KRT13: variants seen among roughly 807,000 people sequenced by gnomAD.
KRT13 encodes the protein keratin, type I cytoskeletal 13.
In KRT13, 27 loss-of-function variants were observed where a neutral mutation model predicts 40.6. The observed-to-expected ratio is 0.67, with a 90% CI of 0.49 to 0.92. The LOEUF is 0.92. Ranked by LOEUF, KRT13 falls within the 40% of genes least tolerant of loss-of-function variation. The probability of loss-of-function intolerance (pLI) is 0.00; values close to 1 mark genes in which losing one functional copy is unlikely to be tolerated. For synonymous variants in KRT13, 266 were observed against 240.3 expected, an observed-to-expected ratio of 1.11 and a Z score of -0.99; for missense variants, 605 against 611.5, an observed-to-expected ratio of 0.99 and a Z score of 0.11.
rs1394149375 is a variant in KRT13, at chr17:41,502,746, T to C, written c.964A>G (p.Thr322Ala). Reference sequence around the variant, plus strand: ...CCTTGGAGCGTGCGCCTGAGCTCCGTGATCTCTGTCTTGCTGGTCTGAATC... The same window carrying C: ...CCTTGGAGCGTGCGCCTGAGCTCCGCGATCTCTGTCTTGCTGGTCTGAATC... ...AMIQTSKTEI[T>A]ELRRTLQGLE... is the part of the protein sequence containing the mutation. Residue 322 changes from threonine (T) to alanine (A), a missense_variant, in exon 5 of 8, where the codon ACG (threonine) becomes GCG (alanine). By Grantham distance (58) the Thr-to-Ala change is moderately conservative. Coordinates refer to ENST00000246635, the MANE Select transcript of KRT13 (RefSeq NM_153490.3). The C allele has an allele frequency of 1.2e-6, 2 of 1,614,212 alleles. No homozygotes were observed. The highest frequency in any genetic ancestry group is 3.3e-5 in the Admixed American group (2 of 60,030).
At chr17:41,501,958 GAGATATTA>G (rs1904866945) in intron 6 of KRT13, 1 of 1,445,602 alleles carries the variant, frequency 6.9e-7, no homozygotes, top group East Asian at 2.5e-5. Context: ...GTCTCAAGGG[GAGATATTA>G]TTAGCCACAA....
chr17:41,503,773 T>C (rs769557851), intron 1 of KRT13, 48 bp from the exon 2 acceptor site: 2 of 1,465,764 alleles, frequency 1.4e-6, no homozygotes, highest in East Asian at 2.3e-5. Context: ...GTGTCCAGTC[T>C]GTTGGCTTCC....
chr17:41,501,576 C>T, intron 7 of KRT13, 143 bp downstream of exon 7: 14 of 1,408,360 alleles, frequency 9.9e-6, no homozygotes, highest in Admixed American at 4.0e-5. Context: ...GAGCGAATGA[C>T]CACTTCCACC....
chr17:41,503,826 A>G lies in KRT13; in HGVS notation c.496-101T>C, dbSNP rs1232592281. On this transcript the variant is annotated intron_variant, in intron 1 of 7. Transcript: ENST00000246635. ...AAGAATTGTCTTGGGCAACACATCA[A>G]ATACGCTAACACTAACGATAGCTGA... is the stretch of plus-strand genomic sequence containing the variant. The G allele has an allele frequency of 2.8e-5, 24 of 868,968 alleles. No homozygotes were observed. The Admixed American group carries it at 4.1e-4, about 15-fold the overall frequency. 53.8% of individuals were successfully genotyped at this position (868,968 alleles called of 1,614,324 possible).
At chr17:41,501,911 T>C in intron 6 of KRT13, 167 bp from the exon 7 acceptor site, 2 of 1,500,030 alleles carry the variant, frequency 1.3e-6, no homozygotes, top group South Asian at 1.3e-5. Context: ...AGGTGCCCAC[T>C]GGGACTGTCT....
Position 41,502,401 on chromosome 17 carries a change from C to T in KRT13, c.1217G>A (p.Arg406His), listed in dbSNP as rs145983286. Residue 406 changes from arginine (R) to histidine (H), a missense_variant, in exon 6 of 8, where the codon CGC becomes CAC. Coordinates refer to ENST00000246635, the MANE Select transcript of KRT13 (RefSeq NM_153490.3). ...GGCGTCCTGGCCCTCGAGCAGGCTG[C>T]GGTAGGTGGCGATCTCCTGCTCCAG... The part of the protein sequence containing the change: ...TRLEQEIATY[R>H]SLLEGQDAKM... 22 of 1,614,148 alleles carry T rather than the reference C, an allele frequency of 1.4e-5. No homozygotes were observed. Among genetic ancestry groups the T allele is most frequent in the East Asian group, 1.3e-4 (6 of 44,884 alleles).
At position 41,502,963 on chromosome 17, in the gene KRT13, C is replaced by G. The variant is rs780698429; in HGVS notation, c.871G>C (p.Asp291His). The G allele has an allele frequency of 1.2e-6, 2 of 1,614,182 alleles. No individual in the cohort carries two copies. The highest frequency in any genetic ancestry group is 1.1e-5 in the South Asian group (1 of 91,082). Reference protein sequence around the residue: ...YEAMAERNRRDAEEWFHTKSA... With the variant: ...YEAMAERNRRHAEEWFHTKSA... ...TTGGTGTGGAACCATTCCTCAGCATCCCGGCGGTTCCTCTCTGCCATGGCC... is the reference window on the plus strand; with the variant it reads ...TTGGTGTGGAACCATTCCTCAGCATGCCGGCGGTTCCTCTCTGCCATGGCC... Residue 291 changes from aspartate to histidine, a missense_variant, in exon 4 of 8, where the codon GAT becomes CAT. Coordinates refer to ENST00000246635, the MANE Select transcript of KRT13 (RefSeq NM_153490.3).
Position 41,502,692 on chromosome 17 carries a change from T to A in KRT13, c.1018A>T (p.Ser340Cys). 2 of 1,614,048 alleles carry A rather than the reference T, an allele frequency of 1.2e-6. No homozygotes were observed. The highest frequency in any genetic ancestry group is 1.7e-6 in the Non-Finnish European group (2 of 1,180,042). Residue 340 changes from serine to cysteine, a missense_variant, in exon 5 of 8, where the codon AGC (serine) becomes TGC (cysteine). Transcript: ENST00000246635. ...GCAGGAGGCTGCAGGCATACCATGC[T>A]CAGCTGGGACTGCAGCTCAATCTCC... is the stretch of plus-strand genomic sequence containing the variant. ...GLEIELQSQL[S>C]MKAGLENTVA...
In KRT13 at chr17:41,505,221, G is replaced by T. The variant is rs767943356; in HGVS notation, c.330C>A (p.Asn110Lys). 4 of 1,614,208 alleles carry T rather than the reference G, an allele frequency of 2.5e-6. No individual in the cohort carries two copies. Among genetic ancestry groups the T allele is most frequent in the Non-Finnish European group, 3.4e-6 (4 of 1,180,046 alleles). Reference sequence around the variant, plus strand: ...GGTAGGAAGCCAGGCGGTCGTTGAGGTTCTGCATGGTGATCTTCTCATTGC... The same window carrying T: ...GGTAGGAAGCCAGGCGGTCGTTGAGTTTCTGCATGGTGATCTTCTCATTGC... Reference protein sequence around the residue: ...LTGNEKITMQNLNDRLASYLE... With the variant: ...LTGNEKITMQKLNDRLASYLE... Residue 110 changes from asparagine to lysine, a missense_variant, in exon 1 of 8, where the codon AAC (asparagine) becomes AAA (lysine). Transcript: ENST00000246635.
intron 1 of KRT13, among the ~76,000 whole-genome samples, 184 bp from the exon 2 acceptor site, chr17:41,503,909 A>G (rs1267943115): frequency 6.6e-6 from 1 of 152,204 alleles, no homozygotes; most frequent in Admixed American, 6.5e-5. Flanking sequence ...TGTTTTAAGA[A>G]AGCTTACAAA....
At position 41,502,939 on chromosome 17, in the gene KRT13, T is replaced by G. The variant is rs1414177165; in HGVS notation, c.895A>C (p.Lys299Gln). 2 of 1,614,064 alleles carry G rather than the reference T, an allele frequency of 1.2e-6. No individual in the cohort carries two copies. The highest frequency in any genetic ancestry group is 1.7e-5 in the Admixed American group (1 of 60,002). Residue 299 changes from lysine (K) to glutamine (Q), a missense_variant and splice_region_variant, in exon 4 of 8, where the codon AAG becomes CAG. Lys to Gln is a moderately conservative substitution (Grantham distance 53, BLOSUM62 1). Coordinates refer to ENST00000246635, the MANE Select transcript of KRT13 (RefSeq NM_153490.3). ...RRDAEEWFHT[K>Q]SAELNKEVST... The stretch of plus-strand genomic sequence containing the variant: ...TGTGGGGTGGGAGGGCCGGGTACCT[T>G]GGTGTGGAACCATTCCTCAGCATCC...
rs767411003 is a variant in KRT13 at position 41,503,432 on chromosome 17, T to C, written c.590A>G (p.Glu197Gly). The stretch of plus-strand genomic sequence containing the variant: ...CTCCACGCTCTGGCGCAGGGCCAGC[T>C]CATTCTCATACCTAAAATAGTAAAA... ...ADDFRLKYENELALRQSVEAD... is the reference protein window; with the variant it reads ...ADDFRLKYENGLALRQSVEAD... Residue 197 changes from glutamate to glycine, a missense_variant, in exon 3 of 8, where the codon GAG becomes GGG. Coordinates refer to ENST00000246635, the MANE Select transcript of KRT13 (RefSeq NM_153490.3). The C allele has an allele frequency of 2.5e-6, 4 of 1,614,214 alleles. No individual in the cohort carries two copies. The highest frequency in any genetic ancestry group is 3.4e-6 in the Non-Finnish European group (4 of 1,180,036).
chr17:41,505,292 C>T lies in KRT13; in HGVS notation c.259G>A (p.Gly87Ser), dbSNP rs746998705. ...CAAGCACCAAAGTCAACAAAGCCACCAGCAAAACCCCCACCAAAGCCACCT... is the reference window on the plus strand; with the variant it reads ...CAAGCACCAAAGTCAACAAAGCCACTAGCAAAACCCCCACCAAAGCCACCT... ...LGGGFGGGFA[G>S]GFVDFGACDG... The change falls in exon 1 of 8, where the codon GGT becomes AGT. Residue 87 changes from glycine (G) to serine (S), a missense_variant. Coordinates refer to ENST00000246635, the MANE Select transcript of KRT13 (RefSeq NM_153490.3). 7 of 1,614,036 alleles carry T rather than the reference C, an allele frequency of 4.3e-6. No homozygotes were observed. In the African/African-American group the frequency reaches 8.0e-5, roughly 18 times the overall value.
At position 41,503,026 on chromosome 17, in the gene KRT13, G is replaced by A. The variant is rs1448123515; in HGVS notation, c.808C>T (p.Leu270=). The A allele has an allele frequency of 6.2e-7, 1 of 1,614,236 alleles. No homozygotes were observed. Among genetic ancestry groups the A allele is most frequent in the Non-Finnish European group, 8.5e-7 (1 of 1,180,048 alleles). The change falls in exon 4 of 8, where the codon CTG becomes TTG. Residue 270 remains leucine, a synonymous_variant. Coordinates refer to ENST00000246635, the MANE Select transcript of KRT13 (RefSeq NM_153490.3). ...CTCATCTCTGCCAGCACGCGGGTCA[G>A]GTCAATGCCTGGGGTGGCATCCATC... ...VEMDATPGID[L]TRVLAEMREQ...
chr17:41,501,405 C>T (rs964797391), intron 7 of KRT13, 43 bp from the exon 8 acceptor site: 4 of 1,470,296 alleles, frequency 2.7e-6, no homozygotes, highest in Non-Finnish European at 9.3e-7. Context: ...GGAGAAGACC[C>T]ACCTCAGGAC....
chr17:41,502,028 C>T, intron 6 of KRT13: 1 of 1,415,664 alleles, frequency 7.1e-7, no homozygotes, highest in Non-Finnish European at 9.2e-7. Flanking sequence ...CAACCCTCCA[C>T]CTGAGCCCTG....
At position 41,503,354 on chromosome 17, in the gene KRT13, G is replaced by A. The variant is rs538888673; in HGVS notation, c.668C>T (p.Thr223Ile). Residue 223 changes from threonine to isoleucine, a missense_variant, in exon 3 of 8, where the codon ACT becomes ATT. Physicochemically the swap from Thr to Ile is moderately conservative, Grantham distance 89. Transcript: ENST00000246635. ...RVLDELTLSK[T>I]DLEMQIESLN... ...GCTCTCGATCTGCATCTCCAGGTCA[G>A]TCTTAGACAGAGTGAGCTCATCCAG... 2.9e-5 allele frequency: 47 copies of A among 1,614,258 alleles called. No individual in the cohort carries two copies. In the South Asian group the frequency reaches 4.9e-4, roughly 17 times the overall value.
Position 41,505,412 on chromosome 17 carries a change from C to T in KRT13, c.139G>A (p.Gly47Ser). The change falls in exon 1 of 8, where the codon GGC becomes AGC. Residue 47 changes from glycine to serine, a missense_variant. Gly to Ser is a moderately conservative substitution (Grantham distance 56). Coordinates refer to ENST00000246635, the MANE Select transcript of KRT13 (RefSeq NM_153490.3). ...VSGGSAGGYG[G>S]GVSCGFGGGA... ...CCACCAAAACCACAGCTCACGCCGCCTCCATAGCCCCCAGCTGATCCCCCG... is the reference window on the plus strand; with the variant it reads ...CCACCAAAACCACAGCTCACGCCGCTTCCATAGCCCCCAGCTGATCCCCCG... The T allele has an allele frequency of 3.7e-6, 6 of 1,613,480 alleles. No individual in the cohort carries two copies. The highest frequency in any genetic ancestry group is 5.1e-6 in the Non-Finnish European group (6 of 1,179,478).
chr17:41,504,297 C>T, intron 1 of KRT13: 1 of 164,382 alleles, frequency 6.1e-6, no homozygotes, highest in Non-Finnish European at 1.3e-5. Flanking sequence ...CCCTAGGCCA[C>T]TGTCTTGAGA....
Sources: allele counts gnomAD v4.1 joint callset (sites outside exome capture counted in the v4.1 genomes callset), GRCh38; gene constraint gnomAD v4.1.1; transcripts MANE v1.5; gene names NCBI Gene and HGNC (gene_info 2026-07-23, HGNC 2026-07-21).